The following FAM171A1 variants were observed in gnomAD, a reference collection of about 807,000 sequenced individuals.
The protein encoded by FAM171A1 is protein FAM171A1.
FAM171A1 carries 23 observed loss-of-function variants against 74.9 expected under a neutral mutation model. The observed-to-expected ratio is 0.31, with a 90% CI of 0.22 to 0.44. FAM171A1 has a LOEUF of 0.44. FAM171A1 is among the 20% of genes least tolerant of loss of function. FAM171A1 has a pLI of 1.00. For synonymous variants in FAM171A1, 527 were observed against 505.7 expected (o/e 1.04, Z -0.57); for missense variants, 1,162 against 1,159.2 (o/e 1.00, Z -0.03).
chr10:15,255,587 T>A (rs1444283882), intron 3 of FAM171A1, among the ~76,000 whole-genome samples: 1 of 152,154 alleles, frequency 6.6e-6, no homozygotes, highest in South Asian at 2.1e-4. Flanking sequence ...TGACAGGCCC[T>A]AGACAGTTGG....
intron 5 of FAM171A1, among the ~76,000 whole-genome samples, chr10:15,247,263 T>C (rs1834446310): frequency 6.6e-6 from 1 of 152,206 alleles, no homozygotes; most frequent in Non-Finnish European, 1.5e-5. Flanking sequence ...TTTTTATGTA[T>C]ATATTATTGG....
chr10:15,351,567 C>CGATGGATGGATGGATG (rs757265914), intron 1 of FAM171A1, among the ~76,000 whole-genome samples: 41,144 of 145,878 alleles, frequency 0.28, 5,989 homozygotes, highest in Non-Finnish European at 0.31. Flanking sequence ...AAAGTAGGGA[C>CGATGGATGGATGGATG]GATGGATGGA....
chr10:15,312,673 G>GTTTGTTTTTTTTTTTTTT (rs1564274246), intron 1 of FAM171A1, among the ~76,000 whole-genome samples: 1 of 36,382 alleles, frequency 2.7e-5, no homozygotes, highest in Non-Finnish European at 4.7e-5. Context: ...AGCACTGTGT[G>GTTTGTTTTTTTTTTTTTT]TTTTTTTTTT....
intron 1 of FAM171A1, among the ~76,000 whole-genome samples, chr10:15,348,705 C>T (rs562087891): frequency 1.3e-5 from 2 of 152,098 alleles, no homozygotes; most frequent in Non-Finnish European, 2.9e-5. Context: ...CACACGGGAC[C>T]CTGAATTTGA....
At chr10:15,315,648 C>T (rs1835413521) in intron 1 of FAM171A1, among the ~76,000 whole-genome samples, 1 of 152,202 alleles carries the variant, frequency 6.6e-6, no homozygotes, top group Non-Finnish European at 1.5e-5. Flanking sequence ...AAAGAATTTA[C>T]TCTATTCTCA....
chr10:15,272,745 A>G (rs1194020078), intron 3 of FAM171A1, among the ~76,000 whole-genome samples: 1 of 152,208 alleles, frequency 6.6e-6, no homozygotes, highest in African/African-American at 2.4e-5. Context: ...AACTCACTCA[A>G]AACTGCTCAA....
At chr10:15,227,731 A>G (rs951278692) in intron 5 of FAM171A1, among the ~76,000 whole-genome samples, 1 of 152,240 alleles carries the variant, frequency 6.6e-6, no homozygotes, top group Non-Finnish European at 1.5e-5. Flanking sequence ...AGACTCGGAG[A>G]TATTTTCAAG....
rs555185028 is a variant in FAM171A1 at position 15,358,584 on chromosome 10, G to A, written c.97+12372C>T. ...AGAAGATTCCCTCAATCCCAGCTAG[G>A]TGTAAACCCAAATCCCACTCTGTTC... On this transcript the variant is annotated intron_variant, in intron 1 of 7. Transcript: ENST00000378116. 1.2e-4 allele frequency among the ~76,000 whole-genome samples: 19 copies of A among 152,244 alleles called. No homozygotes were observed. In the South Asian group the frequency reaches 3.9e-3, roughly 32 times the overall value.
intron 3 of FAM171A1, among the ~76,000 whole-genome samples, chr10:15,260,781 T>A (rs1303510267): frequency 2.6e-5 from 4 of 152,174 alleles, no homozygotes; most frequent in African/African-American, 9.7e-5. Context: ...GGGTGTCCCA[T>A]GCATTGCAGC....
rs1835183381 is a variant in FAM171A1, at chr10:15,298,188, C to G, written c.98-14083G>C. Among the ~76,000 whole-genome samples the G allele has an allele frequency of 3.3e-5, 5 of 151,984 alleles. No homozygotes were observed. In the South Asian group the frequency reaches 1.0e-3, roughly 32 times the overall value. On this transcript the variant is annotated intron_variant, in intron 1 of 7. Transcript: ENST00000378116. Reference sequence around the variant, plus strand: ...TGTCACCCATGCTGGAGTTCAATGGCACAATCTTGGCCCTCTGCAACCTGC... The same window carrying G: ...TGTCACCCATGCTGGAGTTCAATGGGACAATCTTGGCCCTCTGCAACCTGC...
intron 5 of FAM171A1, among the ~76,000 whole-genome samples, chr10:15,230,924 C>T (rs1388930028): frequency 6.6e-6 from 1 of 152,146 alleles, no homozygotes; most frequent in Non-Finnish European, 1.5e-5. Context: ...CCACTGAGGC[C>T]AATACCCATC....
upstream of FAM171A1, among the ~76,000 whole-genome samples, chr10:15,374,044 G>C (rs1792433149): frequency 6.6e-6 from 1 of 152,196 alleles, no homozygotes; most frequent in African/African-American, 2.4e-5. Context: ...ACCAAAAATA[G>C]AAATGAAGAA....
intron 2 of FAM171A1, among the ~76,000 whole-genome samples, chr10:15,277,895 T>C (rs1424584062): frequency 6.6e-6 from 1 of 152,174 alleles, no homozygotes; most frequent in African/African-American, 2.4e-5. Context: ...TAGCTGGAAT[T>C]ACAGGTGTGC....
intron 1 of FAM171A1, among the ~76,000 whole-genome samples, chr10:15,309,333 G>A (rs567501927): frequency 2.0e-5 from 3 of 152,240 alleles, no homozygotes; most frequent in Admixed American, 6.5e-5. Context: ...TCAGCCTCCC[G>A]AGTAGCTGGG....
intron 4 of FAM171A1, among the ~76,000 whole-genome samples, chr10:15,252,813 T>C (rs1388555057): frequency 1.3e-5 from 2 of 152,148 alleles, no homozygotes; most frequent in Non-Finnish European, 2.9e-5. Context: ...AAATCAATAG[T>C]TCTGTGTCTT....
rs188544569 is a variant in FAM171A1, at chr10:15,297,390, A to T, written c.98-13285T>A. ...ACAGTCTTGATAGAACTTACACATA[A>T]CGTACTCTTTCTCACCCCAATCCCT... On this transcript the variant is annotated intron_variant, in intron 1 of 7. Coordinates refer to ENST00000378116, the MANE Select transcript of FAM171A1 (RefSeq NM_001010924.2). Among the ~76,000 whole-genome samples the T allele has an allele frequency of 6.6e-5, 10 of 151,958 alleles. No homozygotes were observed. The East Asian group carries it at 1.9e-3, about 29-fold the overall frequency.
chr10:15,271,845 G>A (rs1834829106), intron 3 of FAM171A1, among the ~76,000 whole-genome samples: 1 of 152,166 alleles, frequency 6.6e-6, no homozygotes, highest in Non-Finnish European at 1.5e-5. Context: ...GAGAGATTTT[G>A]TCACCATCAG....
chr10:15,223,813 C>T (rs1232697056), intron 5 of FAM171A1, among the ~76,000 whole-genome samples: 1 of 152,186 alleles, frequency 6.6e-6, no homozygotes, highest in Non-Finnish European at 1.5e-5. Context: ...GCAGGAGAAT[C>T]ACTTGAACCT....
chr10:15,346,780 G>A (rs963527388), intron 1 of FAM171A1, among the ~76,000 whole-genome samples: 5 of 152,374 alleles, frequency 3.3e-5, no homozygotes, highest in Admixed American at 6.5e-5. Context: ...AGGAAGGCAA[G>A]TGCTCACAAG....
Sources: gnomAD v4.1 joint callset for allele counts (sites outside exome capture counted in the v4.1 genomes callset) on GRCh38, gnomAD v4.1.1 for gene constraint, MANE v1.5 for transcripts, NCBI Gene and HGNC (gene_info 2026-07-23, HGNC 2026-07-21) for gene names.